Variants in VPS4B observed in about 807,000 individuals in gnomAD.
The protein encoded by VPS4B is vacuolar protein sorting 4 homolog B.
Under a neutral mutation model 56.1 loss-of-function variants are expected in VPS4B, and 23 were observed. The ratio of observed to expected loss-of-function variants is 0.41; its 90% CI spans 0.30 to 0.58. VPS4B has a LOEUF of 0.58. Among genes scored for constraint, VPS4B ranks in the 20% least tolerant of loss-of-function variants. VPS4B has a pLI of 0.29. For missense variants in VPS4B, 372 were observed against 531.9 expected, an observed-to-expected ratio of 0.70 and a Z score of 2.96; for synonymous variants, 177 against 186.0, an observed-to-expected ratio of 0.95 and a Z score of 0.39.
At chr18:63,422,212 A>G in intron 1 of VPS4B, 21 bp downstream of exon 1, 8 of 1,445,416 alleles carry the variant, frequency 5.5e-6, no homozygotes, top group East Asian at 3.1e-5. Context: ...CCCTAGGGGG[A>G]CGGGAGATGA....
chr18:63,403,586 C>A (rs1023483977), intron 5 of VPS4B, 121 bp downstream of exon 5: 3 of 1,110,524 alleles, frequency 2.7e-6, no homozygotes, highest in African/African-American at 1.6e-5. Flanking sequence ...ATATCACCAC[C>A]TTTTAACAGT....
chr18:63,411,455 C>A lies in VPS4B; in HGVS notation c.139+12G>T, dbSNP rs553733595. 19 of 1,503,130 alleles carry A rather than the reference C, an allele frequency of 1.3e-5. No individual in the cohort carries two copies. The South Asian group carries it at 2.1e-4, about 17-fold the overall frequency. The allele number at this position is 1,503,130 out of a possible 1,614,324, so 93.1% of individuals were successfully genotyped here. On this transcript the variant is annotated intron_variant, in intron 2 of 10. Transcript: ENST00000238497. ...TTCGTGTTTTTAAATAAAATATAAC[C>A]TATGGCCTCACATTTAACGACATGA...
intron 5 of VPS4B, among the ~76,000 whole-genome samples, chr18:63,401,031 A>G (rs1475173539): frequency 1.3e-5 from 2 of 152,254 alleles, no homozygotes; most frequent in Non-Finnish European, 2.9e-5. Flanking sequence ...AAAAGAGTTC[A>G]GTTAAAAGGT....
chr18:63,408,332 G>A (rs1473401464), intron 3 of VPS4B, among the ~76,000 whole-genome samples: 1 of 152,150 alleles, frequency 6.6e-6, no homozygotes, highest in Non-Finnish European at 1.5e-5. Flanking sequence ...ATGCCAAAAT[G>A]GAATTGCCTT....
chr18:63,419,973 T>G (rs1208520393), intron 1 of VPS4B, among the ~76,000 whole-genome samples: 1 of 152,236 alleles, frequency 6.6e-6, no homozygotes, highest in Admixed American at 6.5e-5. Context: ...ACATGAATAT[T>G]AATCCAAATT....
intron 3 of VPS4B, among the ~76,000 whole-genome samples, chr18:63,408,915 G>A (rs1915974727): frequency 1.3e-5 from 2 of 152,176 alleles, no homozygotes; most frequent in South Asian, 4.1e-4. Flanking sequence ...CTATGGACAA[G>A]GGAAGAGAAG....
Position 63,398,225 on chromosome 18 carries a change from T to TA in VPS4B, c.873-973_873-972insT, listed in dbSNP as rs1568084680. The stretch of plus-strand genomic sequence containing the variant: ...CACACATATATATATATATATATAT[T>TA]TTTTTTTGAGATGGAGTCTCACTCT... On this transcript the variant is annotated intron_variant, in intron 8 of 10. Coordinates refer to ENST00000238497, the MANE Select transcript of VPS4B (RefSeq NM_004869.4). 6.4e-3 allele frequency among the ~76,000 whole-genome samples: 352 copies of TA among 55,006 alleles called. 4 individuals are homozygous for TA. The highest frequency in any genetic ancestry group is 0.014 in the African/African-American group (304 of 21,000). 36.1% of individuals were successfully genotyped at this position (55,006 alleles called of 152,430 possible). A position where few individuals can be genotyped will look rare whatever the true frequency, so the allele number is the denominator to read the frequency against.
intron 1 of VPS4B, among the ~76,000 whole-genome samples, chr18:63,413,256 T>A (rs1186226037): frequency 6.6e-6 from 1 of 152,236 alleles, no homozygotes; most frequent in Non-Finnish European, 1.5e-5. Flanking sequence ...ATAAAGGGAA[T>A]GCTGGATTCT....
Position 63,393,499 on chromosome 18 carries a change from T to C in VPS4B, c.1143A>G (p.Leu381=). Residue 381 remains leucine, a synonymous_variant, in exon 10 of 11, where the codon CTA becomes CTG. Transcript: ENST00000238497. ...CAGGGTCACCTGGAGAGCAAGGTGT[T>C]AGCAGATCATCTACAAGATGGTTAG... ...ADPNHLVDDL[L]TPCSPGDPGA... 1 of 1,612,680 alleles carries C rather than the reference T, an allele frequency of 6.2e-7. No homozygotes were observed. Among genetic ancestry groups the C allele is most frequent in the African/African-American group, 1.3e-5 (1 of 74,996 alleles).
In VPS4B at chr18:63,400,569, T is replaced by A; in HGVS notation, c.619A>T (p.Lys207Ter). Residue 207 changes from lysine (K) to a stop codon, truncating the protein, a stop_gained, in exon 6 of 11, where the codon AAG becomes TAG. Coordinates refer to ENST00000238497, the MANE Select transcript of VPS4B (RefSeq NM_004869.4). LOFTEE classifies it high-confidence loss of function. ...TACTTTTCACTTTCACCTAGCCACTTAGAAACAAGATCAGAGGAAGATATT... is the reference window on the plus strand; with the variant it reads ...TACTTTTCACTTTCACCTAGCCACTAAGAAACAAGATCAGAGGAAGATATT... ...FSISSSDLVS[K>*]WLGESEKLVK... 6.2e-7 allele frequency: 1 copy of A among 1,607,302 alleles called. No homozygotes were observed. The highest frequency in any genetic ancestry group is 8.5e-7 in the Non-Finnish European group (1 of 1,178,638).
chr18:63,407,578 G>A, intron 3 of VPS4B, 79 bp from the exon 4 acceptor site: 1 of 1,129,134 alleles, frequency 8.9e-7, no homozygotes, highest in Non-Finnish European at 1.3e-6. Context: ...AAATTAACCT[G>A]AAATATTTGT....
At chr18:63,400,270 C>A in intron 6 of VPS4B, 74 bp from the exon 7 acceptor site, 1 of 1,419,980 alleles carries the variant, frequency 7.0e-7, no homozygotes, top group Non-Finnish European at 9.4e-7. Flanking sequence ...ATCAATATTA[C>A]AAGAACTCTG....
chr18:63,408,307 A>C (rs972052861), intron 3 of VPS4B, among the ~76,000 whole-genome samples: 7 of 152,190 alleles, frequency 4.6e-5, no homozygotes, highest in African/African-American at 1.4e-4. Flanking sequence ...GGGAGATAAA[A>C]GCATGACATG....
chr18:63,397,161 G>GT lies in VPS4B; in HGVS notation c.964dup (p.Thr322AsnfsTer26). 1 of 1,614,142 alleles carries GT rather than the reference G, an allele frequency of 6.2e-7. No homozygotes were observed. The highest frequency in any genetic ancestry group is 8.5e-7 in the Non-Finnish European group (1 of 1,180,038). Reference sequence around the variant, plus strand: ...CCCAAGTTCCCGAAAGTCTGCTTCCGTGAGACTGTTCTGAGTGGTCCCTAG... The same window carrying GT: ...CCCAAGTTCCCGAAAGTCTGCTTCCGTTGAGACTGTTCTGAGTGGTCCCTAG... On this transcript the variant is annotated frameshift_variant, in exon 9 of 11. Coordinates refer to ENST00000238497, the MANE Select transcript of VPS4B (RefSeq NM_004869.4). LOFTEE classifies it high-confidence loss of function.
intron 5 of VPS4B, 77 bp downstream of exon 5, chr18:63,403,630 G>T: frequency 7.2e-7 from 1 of 1,396,596 alleles, no homozygotes; most frequent in Non-Finnish European, 9.7e-7. Flanking sequence ...TTAGTGACAA[G>T]AATGACAATG....
chr18:63,422,415 A>T lies in VPS4B; in HGVS notation c.-156T>A. On this transcript the variant is annotated 5_prime_UTR_variant, in exon 1 of 11. Transcript: ENST00000238497. The stretch of plus-strand genomic sequence containing the variant: ...CTCCCTTCCGGAACTTGTTTTAGAC[A>T]ACACTCTCTCCACCAGAGCTCCGAC... 1 of 587,702 alleles carries T rather than the reference A, an allele frequency of 1.7e-6. No homozygotes were observed. The allele number at this position is 587,702 out of a possible 1,614,324, so 36.4% of individuals were successfully genotyped here. A position where few individuals can be genotyped will look rare whatever the true frequency, so the allele number is the denominator to read the frequency against.
intron 4 of VPS4B, among the ~76,000 whole-genome samples, chr18:63,406,094 A>G (rs1568087530): frequency 6.6e-6 from 1 of 152,250 alleles, no homozygotes. Flanking sequence ...CAAATCCAAT[A>G]GAGCAGACAA....
At chr18:63,407,563 A>G in intron 3 of VPS4B, 64 bp from the exon 4 acceptor site, 1 of 1,298,554 alleles carries the variant, frequency 7.7e-7, no homozygotes, top group East Asian at 2.4e-5. Context: ...GCAAAAATGA[A>G]GGAAAAATTA....
intron 4 of VPS4B, among the ~76,000 whole-genome samples, chr18:63,405,686 G>A (rs1459693183): frequency 7.9e-5 from 12 of 151,962 alleles, no homozygotes; most frequent in Admixed American, 2.6e-4. Context: ...GGCCAAGTGC[G>A]GTGGCTCACA....
Sources: gnomAD v4.1 joint callset for allele counts (sites outside exome capture counted in the v4.1 genomes callset) on GRCh38, gnomAD v4.1.1 for gene constraint, MANE v1.5 for transcripts, NCBI Gene and HGNC (gene_info 2026-07-23, HGNC 2026-07-21) for gene names.